Variants in NKAIN1 observed in about 807,000 individuals in gnomAD.
NKAIN1 encodes sodium/potassium transporting ATPase interacting 1, also known as sodium/potassium-transporting ATPase subunit beta-1-interacting protein 1.
A neutral mutation model predicts 31.6 loss-of-function variants in NKAIN1; 13 were observed. The ratio of observed to expected loss-of-function variants is 0.41; its 90% CI spans 0.27 to 0.65. NKAIN1 has a LOEUF of 0.65. NKAIN1 is among the 30% of genes least tolerant of loss of function. The pLI, the probability that NKAIN1 is intolerant of heterozygous loss-of-function variation, is 0.30. For synonymous variants in NKAIN1, 104 were observed against 109.0 expected, an observed-to-expected ratio of 0.95 and a Z score of 0.28; for missense variants, 193 against 262.2, an observed-to-expected ratio of 0.74 and a Z score of 1.82.
At chr1:31,182,660 C>T (rs1036600417) in intron 4 of NKAIN1, 70 bp from the exon 5 acceptor site, 2 of 1,557,362 alleles carry the variant, frequency 1.3e-6, no homozygotes, top group Non-Finnish European at 1.8e-6. Flanking sequence ...CCTGCCGGGC[C>T]CTGTACGCTC....
At chr1:31,212,729 G>A (rs554681350) in intron 1 of NKAIN1, among the ~76,000 whole-genome samples, 14 of 151,998 alleles carry the variant, frequency 9.2e-5, no homozygotes, top group African/African-American at 2.6e-4. Flanking sequence ...GGCCAGGCCC[G>A]GTGGCTCAAG....
intron 1 of NKAIN1, among the ~76,000 whole-genome samples, chr1:31,225,626 C>T (rs7513301): frequency 0.32 from 47,898 of 151,748 alleles, 9,544 homozygotes; most frequent in African/African-American, 0.57. Flanking sequence ...CCACGCCTCA[C>T]AGTCCATTTC....
At chr1:31,212,980 G>C (rs1347735548) in intron 1 of NKAIN1, among the ~76,000 whole-genome samples, 29 of 151,566 alleles carry the variant, frequency 1.9e-4, no homozygotes, top group Non-Finnish European at 1.5e-5. Flanking sequence ...CTAGGTGACA[G>C]AGCAAGACTC....
chr1:31,239,564 C>T lies in NKAIN1; in HGVS notation c.-17G>A. 13 of 1,227,886 alleles carry T rather than the reference C, an allele frequency of 1.1e-5. No individual in the cohort carries two copies. The highest frequency in any genetic ancestry group is 1.2e-5 in the Non-Finnish European group (12 of 984,102). The allele number at this position is 1,227,886 out of a possible 1,614,324, so 76.1% of individuals were successfully genotyped here. ...CTTGCCCATGGCTCCGGGGGCTGCG[C>T]GGGCCGCACGCCGCGGCGCCCTTCT... is the stretch of plus-strand genomic sequence containing the variant. On this transcript the variant is annotated 5_prime_UTR_variant, in exon 1 of 7. Transcript: ENST00000373736. This position sits in a 1 kb window ranked among gnomAD's most constrained non-coding sequence, Gnocchi z 4.8.
At chr1:31,204,501 G>A (rs886208164) in intron 1 of NKAIN1, among the ~76,000 whole-genome samples, 1 of 152,068 alleles carries the variant, frequency 6.6e-6, no homozygotes, top group African/African-American at 2.4e-5. Flanking sequence ...CCCAGATGCC[G>A]GGACCCCGGC....
rs182001687 is a variant in NKAIN1, at chr1:31,196,975, A to G, written c.55-8788T>C. 1.4e-3 allele frequency among the ~76,000 whole-genome samples: 208 copies of G among 152,176 alleles called. 1 individual carries two copies. Among genetic ancestry groups the G allele is most frequent in the Non-Finnish European group, 1.9e-3 (132 of 68,030 alleles). On this transcript the variant is annotated intron_variant, in intron 1 of 6. Transcript: ENST00000373736. Reference sequence around the variant, plus strand: ...CTGTTTCTTGGTTAACAAAATGGGTATGATTCACAGTATCTTCCTCATAGG... The same window carrying G: ...CTGTTTCTTGGTTAACAAAATGGGTGTGATTCACAGTATCTTCCTCATAGG...
At chr1:31,231,442 G>A (rs183447977) in intron 1 of NKAIN1, among the ~76,000 whole-genome samples, 1,993 of 151,528 alleles carry the variant, frequency 0.013, 148 homozygotes, top group Admixed American at 0.12. Context: ...CCAAAGTGCT[G>A]GGATTACAGG....
At chr1:31,214,901 A>C (rs1292883182) in intron 1 of NKAIN1, among the ~76,000 whole-genome samples, 1 of 152,222 alleles carries the variant, frequency 6.6e-6, no homozygotes, top group Non-Finnish European at 1.5e-5. Flanking sequence ...TGGCCTGAAC[A>C]GAGAAAGCAG....
intron 1 of NKAIN1, among the ~76,000 whole-genome samples, chr1:31,223,472 G>C (rs193243222): frequency 6.6e-6 from 1 of 151,648 alleles, no homozygotes; most frequent in South Asian, 2.1e-4. Flanking sequence ...ACGGAGTCTC[G>C]CTCTGTCGCC....
chr1:31,228,569 A>T lies in NKAIN1; in HGVS notation c.54+10925T>A, dbSNP rs138040572. Among the ~76,000 whole-genome samples the T allele has an allele frequency of 2.1e-3, 313 of 152,056 alleles. 1 individual carries two copies. Among genetic ancestry groups the T allele is most frequent in the South Asian group, 0.014 (68 of 4,816 alleles). ...TCCAAGGGATCTGGGTCATCACTAG[A>T]TCCACTACATGTCCAAGCAGTCATC... is the stretch of plus-strand genomic sequence containing the variant. On this transcript the variant is annotated intron_variant, in intron 1 of 6. Transcript: ENST00000373736.
chr1:31,239,740 C>T lies in NKAIN1; in HGVS notation c.-193G>A, dbSNP rs1645720787. Among the ~76,000 whole-genome samples the T allele has an allele frequency of 6.6e-6, 1 of 151,050 alleles. No individual in the cohort carries two copies. The highest frequency in any genetic ancestry group is 2.1e-4 in the South Asian group (1 of 4,836). ...GCCGCCCGCGCTCCGAGTCCATGGTCCGTCCGTCCGCGCGCTGGCCCCGCC... is the reference window on the plus strand; with the variant it reads ...GCCGCCCGCGCTCCGAGTCCATGGTTCGTCCGTCCGCGCGCTGGCCCCGCC... On this transcript the variant is annotated 5_prime_UTR_variant, in exon 1 of 7. Coordinates refer to ENST00000373736, the MANE Select transcript of NKAIN1 (RefSeq NM_024522.3). This position sits in a 1 kb window ranked among gnomAD's most constrained non-coding sequence, Gnocchi z 4.8.
At chr1:31,197,213 G>A (rs1033369262) in intron 1 of NKAIN1, among the ~76,000 whole-genome samples, 55 of 149,324 alleles carry the variant, frequency 3.7e-4, no homozygotes, top group African/African-American at 1.3e-3. Flanking sequence ...CCAGGTTCAC[G>A]CCATTCTCCT....
At chr1:31,219,310 G>A (rs1645543771) in intron 1 of NKAIN1, among the ~76,000 whole-genome samples, 1 of 152,232 alleles carries the variant, frequency 6.6e-6, no homozygotes, top group South Asian at 2.1e-4. Flanking sequence ...TGGATCCTAG[G>A]ACACATGTGT....
chr1:31,182,656 G>A lies in NKAIN1; in HGVS notation c.472-66C>T, dbSNP rs1429969735. 4 of 1,583,180 alleles carry A rather than the reference G, an allele frequency of 2.5e-6. No individual in the cohort carries two copies. The Admixed American group carries it at 6.7e-5, about 27-fold the overall frequency. On this transcript the variant is annotated intron_variant, in intron 4 of 6. Coordinates refer to ENST00000373736, the MANE Select transcript of NKAIN1 (RefSeq NM_024522.3). ...GGAACCTCTTCCTCCGCCCCCTGCC[G>A]GGCCCTGTACGCTCTGACTGGCAAG... is the stretch of plus-strand genomic sequence containing the variant.
intron 2 of NKAIN1, among the ~76,000 whole-genome samples, chr1:31,186,487 C>T (rs1645245642): frequency 7.0e-6 from 1 of 142,360 alleles, no homozygotes; most frequent in African/African-American, 2.6e-5. Flanking sequence ...CCAAAAGAGA[C>T]AGGAGGTTAT....
intron 1 of NKAIN1, among the ~76,000 whole-genome samples, chr1:31,206,271 ACT>A (rs67779751): frequency 0.7 from 103,013 of 147,398 alleles, 37,528 homozygotes; most frequent in Middle Eastern, 0.89. Flanking sequence ...AAATAAATAA[ACT>A]CTCTGGTTTA....
chr1:31,185,229 G>A lies in NKAIN1; in HGVS notation c.273+18C>T. ...TGGTCAGGCTCTGCCCTATGGCACT[G>A]CCAGGTCTGAGGCTTACCTGGGACA... On this transcript the variant is annotated intron_variant, in intron 3 of 6. Transcript: ENST00000373736. The A allele has an allele frequency of 8.1e-6, 13 of 1,596,078 alleles. No homozygotes were observed. Among genetic ancestry groups the A allele is most frequent in the Non-Finnish European group, 1.0e-5 (12 of 1,168,820 alleles).
At chr1:31,188,253 G>C in intron 1 of NKAIN1, 66 bp from the exon 2 acceptor site, 2 of 1,515,662 alleles carry the variant, frequency 1.3e-6, no homozygotes, top group Non-Finnish European at 1.8e-6. Context: ...ATTCCTGCTT[G>C]ACCTTGGGGA....
chr1:31,221,841 G>T (rs1453905235), intron 1 of NKAIN1, among the ~76,000 whole-genome samples: 1 of 152,086 alleles, frequency 6.6e-6, no homozygotes, highest in African/African-American at 2.4e-5. Flanking sequence ...CAGGGGTAGG[G>T]TTTAAACAGA....
Sources: allele counts gnomAD v4.1 joint callset (sites outside exome capture counted in the v4.1 genomes callset), GRCh38; gene constraint gnomAD v4.1.1; non-coding constraint Gnocchi (gnomAD v3.1); transcripts MANE v1.5; gene names NCBI Gene and HGNC (gene_info 2026-07-23, HGNC 2026-07-21).